Variants in TSEN54 observed in about 807,000 individuals in gnomAD.
The protein encoded by TSEN54 is tRNA splicing endonuclease subunit 54.
Under a neutral mutation model 61.9 loss-of-function variants are expected in TSEN54, and 55 were observed. The ratio of observed to expected loss-of-function variants is 0.89; its 90% CI spans 0.72 to 1.11. The LOEUF is 1.11. TSEN54 is among the 50% of genes most tolerant of loss of function. The probability of loss-of-function intolerance (pLI) is 0.00; values close to 1 mark genes in which losing one functional copy is unlikely to be tolerated. For missense variants in TSEN54, 760 were observed against 687.7 expected (o/e 1.11, Z -1.18); for synonymous variants, 304 against 288.7 (o/e 1.05, Z -0.54).
intron 8 of TSEN54, chr17:75,523,001 T>C (rs1338258779): frequency 4.6e-6 from 2 of 433,142 alleles, no homozygotes; most frequent in African/African-American, 2.0e-5. Flanking sequence ...GGCAACATGG[T>C]GAAACCATCT....
intron 10 of TSEN54, 42 bp downstream of exon 10, chr17:75,523,821 A>G: frequency 6.2e-7 from 1 of 1,602,738 alleles, no homozygotes; most frequent in Non-Finnish European, 8.5e-7. Context: ...AGCTGCTGCC[A>G]GTTCTCCTGT....
rs773650690 is a variant in TSEN54, at chr17:75,516,924, G to C, written c.221+14G>C. ...CGTGGAGCGCCTGTGAGAGGGGCGGGCCCAGGGGTAAGGGAAGCGGGGGCG... is the reference window on the plus strand; with the variant it reads ...CGTGGAGCGCCTGTGAGAGGGGCGGCCCCAGGGGTAAGGGAAGCGGGGGCG... On this transcript the variant is annotated intron_variant, in intron 2 of 10. Coordinates refer to ENST00000333213, the MANE Select transcript of TSEN54 (RefSeq NM_207346.3). 2.5e-4 allele frequency: 380 copies of C among 1,544,080 alleles called. No homozygotes were observed. Among genetic ancestry groups the C allele is most frequent in the Non-Finnish European group, 3.1e-4 (355 of 1,146,176 alleles).
Position 75,516,726 on chromosome 17 carries a change from C to G in TSEN54, c.57-20C>G, listed in dbSNP as rs1208489007. 1.3e-6 allele frequency: 2 copies of G among 1,518,238 alleles called. No individual in the cohort carries two copies. The highest frequency in any genetic ancestry group is 2.9e-5 in the African/African-American group (2 of 69,046). The allele number at this position is 1,518,238 out of a possible 1,614,324, so 94.0% of individuals were successfully genotyped here. On this transcript the variant is annotated intron_variant, in intron 1 of 10. Coordinates refer to ENST00000333213, the MANE Select transcript of TSEN54 (RefSeq NM_207346.3). Reference sequence around the variant, plus strand: ...GGCCCCCGATGCGCGGCGCTGACCCCGCGTCCCCTTCTCCCCCAGCGCCCG... The same window carrying G: ...GGCCCCCGATGCGCGGCGCTGACCCGGCGTCCCCTTCTCCCCCAGCGCCCG...
chr17:75,523,441 A>G, intron 9 of TSEN54, 106 bp downstream of exon 9: 1 of 1,606,998 alleles, frequency 6.2e-7, no homozygotes, highest in African/African-American at 1.3e-5. Flanking sequence ...TGTTCCAGGG[A>G]CTCCTACCCC....
chr17:75,522,244 G>C lies in TSEN54; in HGVS notation c.1163G>C (p.Arg388Pro), dbSNP rs796181199. Reference protein sequence around the residue: ...WREYKELLQRRQVQRSQRRAP... With the variant: ...WREYKELLQRPQVQRSQRRAP... ...GAGTACAAGGAGCTGCTGCAGCGGCGGCAGGTGCAGAGGAGCCAGCGCCGG... is the reference window on the plus strand; with the variant it reads ...GAGTACAAGGAGCTGCTGCAGCGGCCGCAGGTGCAGAGGAGCCAGCGCCGG... Residue 388 changes from arginine (R) to proline (P), a missense_variant, in exon 8 of 11, where the codon CGG becomes CCG. Arg to Pro is a moderately radical substitution (Grantham distance 103). Coordinates refer to ENST00000333213, the MANE Select transcript of TSEN54 (RefSeq NM_207346.3). The C allele has an allele frequency of 6.5e-6, 10 of 1,547,478 alleles. No homozygotes were observed. Among genetic ancestry groups the C allele is most frequent in the Non-Finnish European group, 8.7e-6 (10 of 1,145,662 alleles).
At position 75,524,317 on chromosome 17, in the gene TSEN54, G is replaced by A. The variant is rs886053400; in HGVS notation, c.1486G>A (p.Gly496Arg). Residue 496 changes from glycine (G) to arginine (R), a missense_variant, in exon 11 of 11, where the codon GGG (glycine) becomes AGG (arginine). This residue lies in a region of TSEN54 where 83 missense variants were observed against 82.9 expected (regional missense o/e 1.00). Coordinates refer to ENST00000333213, the MANE Select transcript of TSEN54 (RefSeq NM_207346.3). The stretch of plus-strand genomic sequence containing the variant: ...CCTCAAGCGGTTGTCTTACCAGAGT[G>A]GGGATGTCCCTCTGATCTTTGCCCT... ...CSLKRLSYQSGDVPLIFALVD... is the reference protein window; with the variant it reads ...CSLKRLSYQSRDVPLIFALVD... 1.9e-6 allele frequency: 3 copies of A among 1,614,188 alleles called. No homozygotes were observed. The South Asian group carries it at 3.3e-5, about 18-fold the overall frequency.
rs774699901 is a variant in TSEN54, at chr17:75,516,784, A to C, written c.95A>C (p.Lys32Thr). 3.8e-6 allele frequency: 6 copies of C among 1,582,914 alleles called. No homozygotes were observed. The Admixed American group carries it at 1.0e-4, about 27-fold the overall frequency. Residue 32 changes from lysine to threonine, a missense_variant, in exon 2 of 11, where the codon AAG (lysine) becomes ACG (threonine). Transcript: ENST00000333213. ...TTCGCCGCCCGCTCGCGGTCGCAGA[A>C]GCTGCCCCAGCGCTCGCATGGCCCC... is the stretch of plus-strand genomic sequence containing the variant. ...ELFAARSRSQ[K>T]LPQRSHGPKD... is the part of the protein sequence containing the mutation.
At chr17:75,518,269 G>C (rs887356273) in intron 5 of TSEN54, among the ~76,000 whole-genome samples, 70 of 152,322 alleles carry the variant, frequency 4.6e-4, no homozygotes, top group African/African-American at 8.9e-4. Flanking sequence ...GTAAATATGG[G>C]TGCCATGAGC....
At position 75,524,436 on chromosome 17, in the gene TSEN54, A is replaced by G; in HGVS notation, c.*24A>G. The stretch of plus-strand genomic sequence containing the variant: ...GACCTCACAGCTCTGCAGAGGATGG[A>G]GCTTGCTCCGGGGGACCGGGACTGT... On this transcript the variant is annotated 3_prime_UTR_variant, in exon 11 of 11. Coordinates refer to ENST00000333213, the MANE Select transcript of TSEN54 (RefSeq NM_207346.3). The G allele has an allele frequency of 6.2e-7, 1 of 1,613,754 alleles. No individual in the cohort carries two copies. Among genetic ancestry groups the G allele is most frequent in the Non-Finnish European group, 8.5e-7 (1 of 1,179,988 alleles).
rs1484774440 is a variant in TSEN54 at position 75,519,036 on chromosome 17, A to C, written c.510A>C (p.Arg170=). ...AGAGGTTGGGTTATGTGGTTCGACGATTCCAACCAAGGTAAATCCCCTTCC... is the reference window on the plus strand; with the variant it reads ...AGAGGTTGGGTTATGTGGTTCGACGCTTCCAACCAAGGTAAATCCCCTTCC... ...HLKRLGYVVR[R]FQPSSVLSPY... The change falls in exon 6 of 11, where the codon CGA becomes CGC. Residue 170 remains arginine, a synonymous_variant. Transcript: ENST00000333213. 1 of 1,613,688 alleles carries C rather than the reference A, an allele frequency of 6.2e-7. No homozygotes were observed. Among genetic ancestry groups the C allele is most frequent in the Non-Finnish European group, 8.5e-7 (1 of 1,179,972 alleles).
At chr17:75,523,545 C>A (rs2053455168) in intron 9 of TSEN54, 118 bp from the exon 10 acceptor site, 2 of 1,610,690 alleles carry the variant, frequency 1.2e-6, no homozygotes, top group Non-Finnish European at 1.7e-6. Flanking sequence ...GAGCCCCCAA[C>A]CCTCAAGTGG....
chr17:75,519,605 C>G (rs2053407229), intron 6 of TSEN54, among the ~76,000 whole-genome samples: 1 of 152,202 alleles, frequency 6.6e-6, no homozygotes. Flanking sequence ...CTCTGTCGCC[C>G]AGGCTGTAGT....
Position 75,521,409 on chromosome 17 carries a change from C to T in TSEN54, c.522C>T (p.Ser174=). Residue 174 remains serine (S), a splice_region_variant and synonymous_variant, in exon 7 of 11, where the codon AGC becomes AGT. Transcript: ENST00000333213. ...LGYVVRRFQP[S]SVLSPYERQL... ...CCCACCCGCTGTTCTCACCCCACAG[C>T]TCTGTCCTGTCCCCGTATGAGAGGC... 1 of 1,613,952 alleles carries T rather than the reference C, an allele frequency of 6.2e-7. No homozygotes were observed. The highest frequency in any genetic ancestry group is 1.6e-4 in the Middle Eastern group (1 of 6,062).
Position 75,522,231 on chromosome 17 carries a change from C to G in TSEN54, c.1150C>G (p.Leu384Val). 1.3e-6 allele frequency: 2 copies of G among 1,548,528 alleles called. No individual in the cohort carries two copies. The highest frequency in any genetic ancestry group is 1.7e-6 in the Non-Finnish European group (2 of 1,145,734). The change falls in exon 8 of 11, where the codon CTG becomes GTG. Residue 384 changes from leucine (L) to valine (V), a missense_variant. By Grantham distance (32) the Leu-to-Val change is conservative (BLOSUM62 1). Coordinates refer to ENST00000333213, the MANE Select transcript of TSEN54 (RefSeq NM_207346.3). ...CTCCAGCTGGCGGGAGTACAAGGAGCTGCTGCAGCGGCGGCAGGTGCAGAG... is the reference window on the plus strand; with the variant it reads ...CTCCAGCTGGCGGGAGTACAAGGAGGTGCTGCAGCGGCGGCAGGTGCAGAG... ...RCSSWREYKE[L>V]LQRRQVQRSQ...
intron 5 of TSEN54, 167 bp from the exon 6 acceptor site, chr17:75,518,828 G>A (rs1002936376): frequency 2.0e-6 from 2 of 985,242 alleles, no homozygotes; most frequent in East Asian, 2.3e-4. Context: ...AGATCTTTAG[G>A]GATGGTGTTC....
chr17:75,522,211 G>A lies in TSEN54; in HGVS notation c.1130G>A (p.Ser377Asn). The change falls in exon 8 of 11, where the codon AGC becomes AAC. Residue 377 changes from serine to asparagine, a missense_variant. Around this residue, in one of 3 missense-constraint regions of TSEN54, gnomAD observed 667 missense variants for 577.8 expected, o/e 1.15. Coordinates refer to ENST00000333213, the MANE Select transcript of TSEN54 (RefSeq NM_207346.3). ...GATCCCGAGGTGCAGCGGTGCTCCA[G>A]CTGGCGGGAGTACAAGGAGCTGCTG... The part of the protein sequence containing the change: ...NADPEVQRCS[S>N]WREYKELLQR... 6.5e-7 allele frequency: 1 copy of A among 1,547,820 alleles called. No individual in the cohort carries two copies. The highest frequency in any genetic ancestry group is 8.7e-7 in the Non-Finnish European group (1 of 1,144,446).
intron 5 of TSEN54, 75 bp downstream of exon 5, chr17:75,517,730 GC>G: frequency 7.8e-7 from 1 of 1,288,862 alleles, no homozygotes; most frequent in Non-Finnish European, 1.1e-6. Context: ...CCCATAAGGT[GC>G]CAGGCACAGT....
Position 75,517,122 on chromosome 17 carries a change from C to T in TSEN54, c.286-39C>T, listed in dbSNP as rs750245896. The T allele has an allele frequency of 2.5e-6, 4 of 1,580,106 alleles. No homozygotes were observed. The African/African-American group carries it at 4.1e-5, about 16-fold the overall frequency. ...GGACCGCCCTCCCTGCCCTCCCTGC[C>T]CTCCCTCCCTTGTGACACTTGCTCT... On this transcript the variant is annotated intron_variant, in intron 3 of 10. Transcript: ENST00000333213.
At chr17:75,519,510 A>G (rs2053406309) in intron 6 of TSEN54, among the ~76,000 whole-genome samples, 1 of 152,256 alleles carries the variant, frequency 6.6e-6, no homozygotes, top group South Asian at 2.1e-4. Context: ...TGGAGTGGAA[A>G]CGGGTACAGC....
Sources: allele counts gnomAD v4.1 joint callset (sites outside exome capture counted in the v4.1 genomes callset), GRCh38; gene constraint gnomAD v4.1.1; regional missense constraint gnomAD v4.1.1; transcripts MANE v1.5; gene names NCBI Gene and HGNC (gene_info 2026-07-23, HGNC 2026-07-21).